The following RAF1 variants were observed in gnomAD, a reference collection of about 807,000 sequenced individuals.
RAF1 encodes Raf-1 proto-oncogene, serine/threonine kinase.
RAF1 carries 27 observed loss-of-function variants against 81.1 expected under a neutral mutation model. That is an observed-to-expected ratio of 0.33 (90% CI 0.25 to 0.46). RAF1 has a LOEUF of 0.46. RAF1 is among the 20% of genes least tolerant of loss of function. The pLI, the probability that RAF1 is intolerant of heterozygous loss-of-function variation, is 1.00. For synonymous variants in RAF1, 298 were observed against 294.0 expected (o/e 1.01, Z -0.14); for missense variants, 598 against 826.0 (o/e 0.72, Z 3.38).
chr3:12,643,960 T>C (rs1001494396), intron 1 of RAF1, among the ~76,000 whole-genome samples: 4 of 152,158 alleles, frequency 2.6e-5, no homozygotes, highest in South Asian at 2.1e-4. Flanking sequence ...CTTCGGTGAA[T>C]TGTTGCATTC....
At chr3:12,613,662 A>G (rs1014954214) in intron 2 of RAF1, among the ~76,000 whole-genome samples, 1 of 152,228 alleles carries the variant, frequency 6.6e-6, no homozygotes, top group Non-Finnish European at 1.5e-5. Context: ...ACCAGGCTCC[A>G]AACTAGGGCA....
intron 11 of RAF1, among the ~76,000 whole-genome samples, chr3:12,598,442 G>A (rs1483507087): frequency 2.6e-5 from 4 of 152,026 alleles, no homozygotes; most frequent in East Asian, 1.9e-4. Flanking sequence ...ATGCATTAAC[G>A]AGCACATGGT....
At chr3:12,616,866 T>G (rs1254684396) in intron 2 of RAF1, among the ~76,000 whole-genome samples, 1 of 152,190 alleles carries the variant, frequency 6.6e-6, no homozygotes, top group East Asian at 1.9e-4. Flanking sequence ...ACCAATGCAA[T>G]TTCACTTTTC....
In RAF1 at chr3:12,592,885, G is replaced by A. The variant is rs549801778; in HGVS notation, c.1169-1093C>T. On this transcript the variant is annotated intron_variant, in intron 11 of 17. Transcript: ENST00000442415. ...CGAGTAGCTGGGACTACAGGCACCC[G>A]CCACCACGTCTGGCTAATTTTTTGT... Among the ~76,000 whole-genome samples the A allele has an allele frequency of 3.4e-3, 485 of 144,088 alleles. 3 individuals carry two copies. The highest frequency in any genetic ancestry group is 0.012 in the African/African-American group (451 of 38,804). The allele number at this position is 144,088 out of a possible 152,430, so 94.5% of individuals were successfully genotyped here.
intron 2 of RAF1, among the ~76,000 whole-genome samples, chr3:12,617,172 G>A (rs2059394498): frequency 6.6e-6 from 1 of 152,088 alleles, no homozygotes; most frequent in Non-Finnish European, 1.5e-5. Flanking sequence ...GAGTGCAGTG[G>A]CGCAATCCTG....
At chr3:12,654,121 A>G (rs980645482) in intron 1 of RAF1, among the ~76,000 whole-genome samples, 2 of 151,780 alleles carry the variant, frequency 1.3e-5, no homozygotes, top group Non-Finnish European at 1.5e-5. Context: ...CCTACCAAGT[A>G]GCTGGGACTA....
rs938453974 is a variant in RAF1, at chr3:12,664,101, C to T, written c.-315G>A. ...TTACTCCCGCCATCTAAGATGGCGG[C>T]CCAAGCGCCCGCGATTAAGACTCTC... On this transcript the variant is annotated 5_prime_UTR_variant, in exon 1 of 18. Transcript: ENST00000442415. 2.5e-6 allele frequency: 1 copy of T among 398,286 alleles called. No individual in the cohort carries two copies. Among genetic ancestry groups the T allele is most frequent in the African/African-American group, 2.1e-5 (1 of 48,634 alleles). 24.7% of individuals were successfully genotyped at this position (398,286 alleles called of 1,614,324 possible). A position where few individuals can be genotyped will look rare whatever the true frequency, so the allele number is the denominator to read the frequency against.
intron 1 of RAF1, among the ~76,000 whole-genome samples, chr3:12,645,706 T>C (rs1191930127): frequency 6.6e-6 from 1 of 152,136 alleles, no homozygotes; most frequent in Non-Finnish European, 1.5e-5. Context: ...TTCCTAATTA[T>C]TGTACTGTAC....
chr3:12,601,085 T>G (rs896389313), intron 8 of RAF1, among the ~76,000 whole-genome samples: 2 of 152,210 alleles, frequency 1.3e-5, no homozygotes, highest in African/African-American at 2.4e-5. Context: ...CACAAGGAGT[T>G]AGGCTAAATT....
At chr3:12,616,302 G>C (rs894020591) in intron 2 of RAF1, among the ~76,000 whole-genome samples, 1 of 152,260 alleles carries the variant, frequency 6.6e-6, no homozygotes, top group African/African-American at 2.4e-5. Flanking sequence ...GTAGCAGATG[G>C]GGATGGAGAA....
intron 2 of RAF1, among the ~76,000 whole-genome samples, chr3:12,615,169 T>C (rs1412474605): frequency 1.3e-5 from 2 of 152,214 alleles, no homozygotes; most frequent in African/African-American, 4.8e-5. Flanking sequence ...TATTTTAACC[T>C]GCTGGTCAGC....
At chr3:12,594,240 G>A (rs2058618560) in intron 11 of RAF1, among the ~76,000 whole-genome samples, 1 of 152,162 alleles carries the variant, frequency 6.6e-6, no homozygotes, top group Non-Finnish European at 1.5e-5. Flanking sequence ...CTGACCCAAT[G>A]AGGCAGTCAA....
chr3:12,600,637 T>G (rs2058832846), intron 8 of RAF1, among the ~76,000 whole-genome samples: 1 of 152,206 alleles, frequency 6.6e-6, no homozygotes, highest in South Asian at 2.1e-4. Context: ...ATTAGAAGGA[T>G]TTAATATTCC....
At chr3:12,598,291 G>A (rs1311150314) in intron 11 of RAF1, among the ~76,000 whole-genome samples, 6 of 152,206 alleles carry the variant, frequency 3.9e-5, no homozygotes, top group Admixed American at 2.0e-4. Context: ...GATGACAGGC[G>A]TGAGCCACCC....
At chr3:12,631,938 C>G (rs548134021) in intron 1 of RAF1, among the ~76,000 whole-genome samples, 1 of 152,286 alleles carries the variant, frequency 6.6e-6, no homozygotes, top group East Asian at 1.9e-4. Flanking sequence ...AATCCTTTTC[C>G]ACATACCCAT....
At chr3:12,620,923 CA>C (rs1559451640) in intron 1 of RAF1, among the ~76,000 whole-genome samples, 1 of 151,336 alleles carries the variant, frequency 6.6e-6, no homozygotes, top group Non-Finnish European at 1.5e-5. Flanking sequence ...ATTCAGAGTT[CA>C]GAGTTCAGTT....
intron 1 of RAF1, among the ~76,000 whole-genome samples, chr3:12,639,587 CAGAG>C (rs1224841623): frequency 6.6e-6 from 1 of 152,118 alleles, no homozygotes; most frequent in African/African-American, 2.4e-5. Context: ...AACAGACAAA[CAGAG>C]AGCCAAATCA....
Position 12,584,467 on chromosome 3 carries a change from T to G in RAF1, c.*47A>C. On this transcript the variant is annotated 3_prime_UTR_variant, in exon 18 of 18. Coordinates refer to ENST00000442415, the MANE Select transcript of RAF1 (RefSeq NM_001354689.3). ...AAGGGAGCAGAAAAGTGGTGCCTGCTGGCTTCTCCTCCTCCCCTGGCAGCC... is the reference window on the plus strand; with the variant it reads ...AAGGGAGCAGAAAAGTGGTGCCTGCGGGCTTCTCCTCCTCCCCTGGCAGCC... The G allele has an allele frequency of 6.2e-7, 1 of 1,612,984 alleles. No homozygotes were observed.
chr3:12,590,855 G>A lies in RAF1; in HGVS notation c.1373C>T (p.Thr458Ile). The change falls in exon 13 of 18, where the codon ACC becomes ATC. Residue 458 changes from threonine to isoleucine, a missense_variant. Coordinates refer to ENST00000442415, the MANE Select transcript of RAF1 (RefSeq NM_001354689.3). ...AATTAGCTGGAACATCTGAAACTTG[G>A]TCTCCTGGACATGCAGGTGTTTGTA... 6.2e-7 allele frequency: 1 copy of A among 1,614,038 alleles called. No individual in the cohort carries two copies. Among genetic ancestry groups the A allele is most frequent in the Non-Finnish European group, 8.5e-7 (1 of 1,179,908 alleles).
Sources: gnomAD v4.1 joint callset for allele counts (sites outside exome capture counted in the v4.1 genomes callset) on GRCh38, gnomAD v4.1.1 for gene constraint, MANE v1.5 for transcripts, NCBI Gene and HGNC (gene_info 2026-07-23, HGNC 2026-07-21) for gene names.